Variants in ASB4 observed in about 807,000 individuals in gnomAD.
The protein encoded by ASB4 is ankyrin repeat and SOCS box containing 4.
Under a neutral mutation model 38.6 loss-of-function variants are expected in ASB4, and 35 were observed. The ratio of observed to expected loss-of-function variants is 0.91; its 90% confidence interval spans 0.69 to 1.20. ASB4 has a LOEUF of 1.20. ASB4 is among the 50% of genes most tolerant of loss of function. The pLI is 0.00. For missense variants in ASB4, 557 were observed against 527.2 expected (o/e 1.06, Z -0.55); for synonymous variants, 195 against 201.3 (o/e 0.97, Z 0.26).
intron 1 of ASB4, among the ~76,000 whole-genome samples, chr7:95,494,828 G>A (rs921221673): frequency 5.3e-5 from 8 of 152,202 alleles, no homozygotes; most frequent in Non-Finnish European, 1.0e-4. Flanking sequence ...AAAAGAGAGA[G>A]AGAGAGGCAG....
rs192257229 is a variant in ASB4, at chr7:95,495,174, C to T, written c.188-584C>T. Among the ~76,000 whole-genome samples the T allele has an allele frequency of 2.6e-5, 4 of 152,144 alleles. No homozygotes were observed. The South Asian group carries it at 8.3e-4, about 32-fold the overall frequency. ...TGAAAGTTGAGAGTTGCCTTAAATT[C>T]GTCTTTGGAAAGCGATATTGCATAA... On this transcript the variant is annotated intron_variant, in intron 1 of 4. Transcript: ENST00000325885.
upstream of ASB4, chr7:95,473,999 A>G (rs900505042): frequency 1.3e-5 from 2 of 152,228 alleles, no homozygotes; most frequent in Non-Finnish European, 2.9e-5. Flanking sequence ...AGTTACCTCC[A>G]GAACTCTTTC....
At chr7:95,522,531 G>A (rs796163888) in intron 2 of ASB4, among the ~76,000 whole-genome samples, 1 of 152,010 alleles carries the variant, frequency 6.6e-6, no homozygotes, top group African/African-American at 2.4e-5. Flanking sequence ...GTTAGGCAGG[G>A]CATTGTATTT....
rs201999530 is a variant in ASB4 at position 95,536,585 on chromosome 7, A to G, written c.1092+35A>G. ...CGATTCCCTTCTAATAGTTTTCACT[A>G]TCAAGTACTTCCAGACTGCTCTAGA... On this transcript the variant is annotated intron_variant, in intron 4 of 4. Coordinates refer to ENST00000325885, the MANE Select transcript of ASB4 (RefSeq NM_016116.3). 9 of 1,481,314 alleles carry G rather than the reference A, an allele frequency of 6.1e-6. No individual in the cohort carries two copies. In the African/African-American group the frequency reaches 8.3e-5, roughly 14 times the overall value. The allele number at this position is 1,481,314 out of a possible 1,614,324, so 91.8% of individuals were successfully genotyped here.
chr7:95,548,029 G>A, the ASB4 span, among the ~76,000 whole-genome samples: 1 of 152,188 alleles, frequency 6.6e-6, no homozygotes, highest in African/African-American at 2.4e-5. Flanking sequence ...GGATGAATAT[G>A]CTGTAAACAC....
rs764178118 is a variant in ASB4, at chr7:95,528,151, G to A, written c.826G>A (p.Ala276Thr). Residue 276 changes from alanine (A) to threonine (T), a missense_variant, in exon 3 of 5, where the codon GCC (alanine) becomes ACC (threonine). By Grantham distance (58) the Ala-to-Thr change is moderately conservative. Transcript: ENST00000325885. Reference sequence around the variant, plus strand: ...CATGCACATGATGCTGGAAGCTGGCGCCGAAGCCAATCTCATGGATATCAA... The same window carrying A: ...CATGCACATGATGCTGGAAGCTGGCACCGAAGCCAATCTCATGGATATCAA... ...VLMHMMLEAG[A>T]EANLMDINGC... is the part of the protein sequence containing the mutation. 2.5e-6 allele frequency: 4 copies of A among 1,614,052 alleles called. No homozygotes were observed. The highest frequency in any genetic ancestry group is 2.2e-5 in the East Asian group (1 of 44,884).
chr7:95,489,798 C>T (rs1021386069), intron 1 of ASB4, among the ~76,000 whole-genome samples: 1 of 152,168 alleles, frequency 6.6e-6, no homozygotes, highest in Admixed American at 6.5e-5. Context: ...TATGAGCCAA[C>T]CACTGAGTAT....
chr7:95,496,196 C>T (rs1293460492), intron 2 of ASB4, 139 bp downstream of exon 2: 2 of 691,244 alleles, frequency 2.9e-6, no homozygotes, highest in Non-Finnish European at 4.7e-6. Context: ...CTAAAAAATA[C>T]ATAGTTCTGT....
At position 95,539,649 on chromosome 7, in the gene ASB4, A is replaced by C. The variant is rs1042883413; in HGVS notation, c.*1890A>C. On this transcript the variant is annotated 3_prime_UTR_variant, in exon 5 of 5. Transcript: ENST00000325885. ...ACTCAGGAATGGAAAGTGAAATACC[A>C]TATGTTCTCACTTATAAGTGGGAGC... The C allele has an allele frequency of 2.6e-5, 4 of 154,638 alleles. No homozygotes were observed. The highest frequency in any genetic ancestry group is 9.6e-5 in the African/African-American group (4 of 41,504). 9.6% of individuals were successfully genotyped at this position (154,638 alleles called of 1,614,324 possible).
At chr7:95,472,027 G>A in the ASB4 span, 1 of 152,064 alleles carries the variant, frequency 6.6e-6, no homozygotes, top group Non-Finnish European at 1.5e-5. Flanking sequence ...GATCAGAGGA[G>A]GAGTGTGAGT....
intron 2 of ASB4, among the ~76,000 whole-genome samples, chr7:95,497,765 T>C (rs1276630809): frequency 6.6e-6 from 1 of 152,188 alleles, no homozygotes; most frequent in Non-Finnish European, 1.5e-5. Context: ...GAATGTCATA[T>C]ACATTAAAAT....
At chr7:95,512,922 CA>C in intron 2 of ASB4, among the ~76,000 whole-genome samples, 1 of 151,952 alleles carries the variant, frequency 6.6e-6, no homozygotes, top group Non-Finnish European at 1.5e-5. Context: ...CTTGATATGG[CA>C]AAAAAAGCAC....
At position 95,527,899 on chromosome 7, in the gene ASB4, G is replaced by A; in HGVS notation, c.574G>A (p.Ala192Thr). 4 of 1,614,036 alleles carry A rather than the reference G, an allele frequency of 2.5e-6. No individual in the cohort carries two copies. Among genetic ancestry groups the A allele is most frequent in the Non-Finnish European group, 3.4e-6 (4 of 1,179,998 alleles). Residue 192 changes from alanine to threonine, a missense_variant, in exon 3 of 5, where the codon GCC (alanine) becomes ACC (threonine). Ala to Thr is a moderately conservative substitution (Grantham distance 58). Coordinates refer to ENST00000325885, the MANE Select transcript of ASB4 (RefSeq NM_016116.3). ...CCACTTCGGCCTTTCGGAGCTGGTG[G>A]CCTTCTACGTGGAACACGGGGCCAT... ...AAHFGLSELV[A>T]FYVEHGAIVD...
At chr7:95,551,214 C>A in the ASB4 span, among the ~76,000 whole-genome samples, 1 of 152,140 alleles carries the variant, frequency 6.6e-6, no homozygotes, top group Non-Finnish European at 1.5e-5. Context: ...CTCCTCACCT[C>A]GGGACATCCA....
intron 2 of ASB4, among the ~76,000 whole-genome samples, chr7:95,510,389 T>C (rs900934627): frequency 2.6e-5 from 4 of 152,172 alleles, no homozygotes; most frequent in African/African-American, 9.7e-5. Flanking sequence ...AAAAGATATA[T>C]TGAAAATCCA....
At chr7:95,535,335 T>G (rs564730764) in intron 3 of ASB4, among the ~76,000 whole-genome samples, 11 of 152,310 alleles carry the variant, frequency 7.2e-5, no homozygotes, top group Non-Finnish European at 1.5e-4. Flanking sequence ...GAGAAAGTTG[T>G]TTAAGTGCAG....
At chr7:95,489,669 T>G (rs1259135727) in intron 1 of ASB4, among the ~76,000 whole-genome samples, 1 of 152,124 alleles carries the variant, frequency 6.6e-6, no homozygotes, top group Non-Finnish European at 1.5e-5. Flanking sequence ...CAAAATTGCG[T>G]TTACCAGATG....
intron 1 of ASB4, among the ~76,000 whole-genome samples, chr7:95,488,766 T>C (rs1412207053): frequency 1.3e-5 from 2 of 152,200 alleles, no homozygotes; most frequent in African/African-American, 4.8e-5. Context: ...TGCAGCTTGA[T>C]TACTTTTCAC....
At chr7:95,528,496 G>T (rs1790777198) in intron 3 of ASB4, 193 bp downstream of exon 3, 1 of 1,433,192 alleles carries the variant, frequency 7.0e-7, no homozygotes, top group Non-Finnish European at 9.1e-7. Context: ...GCTTGAAATT[G>T]GGTGTGAGAG....
Sources: allele counts gnomAD v4.1 joint callset (sites outside exome capture counted in the v4.1 genomes callset), GRCh38; gene constraint gnomAD v4.1.1; transcripts MANE v1.5; gene names NCBI Gene and HGNC (gene_info 2026-07-23, HGNC 2026-07-21).